NAP1L1: variants seen among roughly 807,000 people sequenced by gnomAD.
NAP1L1 encodes the protein nucleosome assembly protein 1-like 1.
NAP1L1 carries 9 observed loss-of-function variants against 58.9 expected under a neutral mutation model. That is an observed-to-expected ratio of 0.15 (90% CI 0.09 to 0.27). NAP1L1 has a LOEUF of 0.27. NAP1L1 is among the 10% of genes least tolerant of loss of function. NAP1L1 has a pLI of 1.00. For synonymous variants in NAP1L1, 130 were observed against 138.3 expected (o/e 0.94, Z 0.42); for missense variants, 302 against 458.8 (o/e 0.66, Z 3.12).
In NAP1L1 at chr12:76,038,101, TGA is replaced by T. The variant is rs995724107; in HGVS notation, c.*10326_*10327del. On this transcript the variant is annotated 3_prime_UTR_variant, in exon 15 of 15. Coordinates refer to ENST00000618691, the MANE Select transcript of NAP1L1 (RefSeq NM_004537.7). ...AGGAAGGTAATCCAATGAAGGAGGC[TGA>T]GAGAACCAGTATTATGTTGTCACAA... 14 of 152,302 alleles carry T rather than the reference TGA, an allele frequency of 9.2e-5. No homozygotes were observed. The highest frequency in any genetic ancestry group is 3.4e-4 in the African/African-American group (14 of 41,580). 9.4% of individuals were successfully genotyped at this position (152,302 alleles called of 1,614,324 possible).
intron 14 of NAP1L1, chr12:76,048,918 A>T (rs1565712247): frequency 2.1e-6 from 1 of 474,386 alleles, no homozygotes; most frequent in Non-Finnish European, 3.7e-6. Flanking sequence ...TAATGCTTAA[A>T]AACTGTTACA....
At position 76,049,214 on chromosome 12, in the gene NAP1L1, C is replaced by G; in HGVS notation, c.1126G>C (p.Asp376His). 2 of 1,613,584 alleles carry G rather than the reference C, an allele frequency of 1.2e-6. No homozygotes were observed. The highest frequency in any genetic ancestry group is 1.7e-6 in the Non-Finnish European group (2 of 1,179,694). ...EEEGDEENDP[D>H]YDPKKDQNPA... ...ATTTTGCTCACCTTTGGGTCATAGTCTGGATCATTTTCCTCATCTCCTTCT... is the reference window on the plus strand; with the variant it reads ...ATTTTGCTCACCTTTGGGTCATAGTGTGGATCATTTTCCTCATCTCCTTCT... Residue 376 changes from aspartate to histidine, a missense_variant, in exon 14 of 15, where the codon GAC (aspartate) becomes CAC (histidine). Physicochemically the swap from Asp to His is moderately conservative, Grantham distance 81. Coordinates refer to ENST00000618691, the MANE Select transcript of NAP1L1 (RefSeq NM_004537.7).
intron 11 of NAP1L1, 103 bp from the exon 12 acceptor site, chr12:76,050,756 G>T: frequency 7.8e-7 from 1 of 1,287,338 alleles, no homozygotes; most frequent in Non-Finnish European, 1.1e-6. Context: ...GCTCACAACT[G>T]TAGTCCCAAC....
At chr12:76,078,298 T>C (rs1950274848) in intron 1 of NAP1L1, among the ~76,000 whole-genome samples, 1 of 152,108 alleles carries the variant, frequency 6.6e-6, no homozygotes, top group Non-Finnish European at 1.5e-5. Context: ...TTCATTCTCC[T>C]GGACAAACAG....
chr12:76,057,801 G>A (rs1565724151), intron 6 of NAP1L1: 2 of 1,550,834 alleles, frequency 1.3e-6, no homozygotes, highest in Non-Finnish European at 8.7e-7. Context: ...GAACAGCAGG[G>A]GAAGAAGAGG....
chr12:76,056,000 A>G (rs1276137951), intron 7 of NAP1L1, 33 bp downstream of exon 7: 1 of 1,606,120 alleles, frequency 6.2e-7, no homozygotes, highest in South Asian at 1.1e-5. Flanking sequence ...TTTACCCTTC[A>G]AAGTAAACTG....
At chr12:76,060,357 CA>C in intron 4 of NAP1L1, 78 bp from the exon 5 acceptor site, 1 of 1,429,532 alleles carries the variant, frequency 7.0e-7, no homozygotes, top group Non-Finnish European at 9.5e-7. Flanking sequence ...GAAACTGAAG[CA>C]TTGGAGTTAG....
rs1948577152 is a variant in NAP1L1, at chr12:76,044,244, G to C, written c.*4185C>G. The C allele has an allele frequency of 6.6e-6, 1 of 152,334 alleles. No individual in the cohort carries two copies. Among genetic ancestry groups the C allele is most frequent in the East Asian group, 1.9e-4 (1 of 5,204 alleles). The allele number at this position is 152,334 out of a possible 1,614,324, so 9.4% of individuals were successfully genotyped here. A position where few individuals can be genotyped will look rare whatever the true frequency, so the allele number is the denominator to read the frequency against. The stretch of plus-strand genomic sequence containing the variant: ...TTGAACCCGGGAGATGACAGCTGTA[G>C]TGAGCCGAGATCATGCCACTGCACT... On this transcript the variant is annotated 3_prime_UTR_variant, in exon 15 of 15. Coordinates refer to ENST00000618691, the MANE Select transcript of NAP1L1 (RefSeq NM_004537.7).
intron 1 of NAP1L1, among the ~76,000 whole-genome samples, chr12:76,076,047 T>A (rs1422064425): frequency 6.6e-6 from 1 of 152,206 alleles, no homozygotes; most frequent in Non-Finnish European, 1.5e-5. Context: ...TCCAGATTTA[T>A]TCACTTATGA....
At chr12:76,060,380 T>G in intron 4 of NAP1L1, 101 bp from the exon 5 acceptor site, 1 of 1,190,906 alleles carries the variant, frequency 8.4e-7, no homozygotes, top group Non-Finnish European at 1.2e-6. Flanking sequence ...GAATGACAGG[T>G]TTTTTATCTG....
At chr12:76,060,346 TG>T in intron 4 of NAP1L1, 67 bp from the exon 5 acceptor site, 1 of 1,507,230 alleles carries the variant, frequency 6.6e-7, no homozygotes, top group Non-Finnish European at 9.1e-7. Flanking sequence ...TTTGTCATAC[TG>T]AAACTGAAGC....
chr12:76,065,295 T>G (rs1299263035), intron 4 of NAP1L1, among the ~76,000 whole-genome samples: 1 of 151,624 alleles, frequency 6.6e-6, no homozygotes, highest in Non-Finnish European at 1.5e-5. Flanking sequence ...GGCACTGAAT[T>G]TAATGGAGAT....
At chr12:76,052,928 A>G (rs1017894557) in intron 11 of NAP1L1, among the ~76,000 whole-genome samples, 163 bp downstream of exon 11, 2 of 152,232 alleles carry the variant, frequency 1.3e-5, no homozygotes, top group Admixed American at 1.3e-4. Context: ...AAGCACTGAT[A>G]TAATTTTGAA....
At chr12:76,054,183 C>T (rs1458732573) in intron 8 of NAP1L1, among the ~76,000 whole-genome samples, 1 of 152,130 alleles carries the variant, frequency 6.6e-6, no homozygotes, top group Non-Finnish European at 1.5e-5. Flanking sequence ...GTGTGTGCCA[C>T]CACACCCAGT....
rs1592595368 is a variant in NAP1L1, at chr12:76,043,832, A to C, written c.*4597T>G. 6.6e-6 allele frequency: 1 copy of C among 152,210 alleles called. No homozygotes were observed. The highest frequency in any genetic ancestry group is 1.5e-5 in the Non-Finnish European group (1 of 68,044). 9.4% of individuals were successfully genotyped at this position (152,210 alleles called of 1,614,324 possible). On this transcript the variant is annotated 3_prime_UTR_variant, in exon 15 of 15. Coordinates refer to ENST00000618691, the MANE Select transcript of NAP1L1 (RefSeq NM_004537.7). ...AGCCTTCTGGTAGCAACTATTTTAC[A>C]ACCTCATGAAATTTACCAGAGCCGC...
chr12:76,057,402 A>G, intron 6 of NAP1L1: 1 of 466,512 alleles, frequency 2.1e-6, no homozygotes, highest in Non-Finnish European at 3.9e-6. Flanking sequence ...AAGGAAAAAT[A>G]TTTCCTAGGT....
intron 4 of NAP1L1, among the ~76,000 whole-genome samples, chr12:76,061,290 C>A (rs896592525): frequency 6.6e-6 from 1 of 152,224 alleles, no homozygotes; most frequent in Non-Finnish European, 1.5e-5. Context: ...CCACACTCCA[C>A]CCTCAAGTAA....
Position 76,061,469 on chromosome 12 carries a change from G to A in NAP1L1, c.207-1190C>T, listed in dbSNP as rs973189730. ...CACAAAAGACATGATCTCGTTCTTT[G>A]TATGGCTGCAAGTATTACGTGGTGT... On this transcript the variant is annotated intron_variant, in intron 4 of 14. Coordinates refer to ENST00000618691, the MANE Select transcript of NAP1L1 (RefSeq NM_004537.7). Among the ~76,000 whole-genome samples, 15 of 152,200 alleles carry A rather than the reference G, an allele frequency of 9.9e-5. 1 individual carries two copies.
rs1293745633 is a variant in NAP1L1 at position 76,042,840 on chromosome 12, A to G, written c.*5589T>C. 6.6e-6 allele frequency: 1 copy of G among 152,218 alleles called. No individual in the cohort carries two copies. The highest frequency in any genetic ancestry group is 1.5e-5 in the Non-Finnish European group (1 of 68,050). 9.4% of individuals were successfully genotyped at this position (152,218 alleles called of 1,614,324 possible). On this transcript the variant is annotated 3_prime_UTR_variant, in exon 15 of 15. Transcript: ENST00000618691. Reference sequence around the variant, plus strand: ...TGGCCCATTCCAGGGCTGAAATAGAAAACGCCTGTAAGACTAGAAAACTTT... The same window carrying G: ...TGGCCCATTCCAGGGCTGAAATAGAGAACGCCTGTAAGACTAGAAAACTTT...
Sources: allele counts gnomAD v4.1 joint callset (sites outside exome capture counted in the v4.1 genomes callset), GRCh38; gene constraint gnomAD v4.1.1; transcripts MANE v1.5; gene names NCBI Gene and HGNC (gene_info 2026-07-23, HGNC 2026-07-21).